CPA4: variants seen among roughly 807,000 people sequenced by gnomAD.
The protein encoded by CPA4 is carboxypeptidase A3.
In CPA4, 49 loss-of-function variants were observed where a neutral mutation model predicts 54.7. The observed-to-expected ratio is 0.90, with a 90% CI of 0.71 to 1.14. CPA4 has a LOEUF of 1.14. Ranked by LOEUF, CPA4 falls within the 50% of genes most tolerant of loss-of-function variation. The pLI, the probability that CPA4 is intolerant of heterozygous loss-of-function variation, is 0.00. For missense variants in CPA4, 487 were observed against 525.1 expected (o/e 0.93, Z 0.71); for synonymous variants, 215 against 206.8 (o/e 1.04, Z -0.34).
Position 130,324,171 on chromosome 7 carries a change from G to A in CPA4, c.*1495G>A, listed in dbSNP as rs114331464. 0.066 allele frequency: 10,078 copies of A among 152,662 alleles called. 363 individuals are homozygous for A. The highest frequency in any genetic ancestry group is 0.088 in the Middle Eastern group (26 of 294). The allele number at this position is 152,662 out of a possible 1,614,324, so 9.5% of individuals were successfully genotyped here. A position where few individuals can be genotyped will look rare whatever the true frequency, so the allele number is the denominator to read the frequency against. On this transcript the variant is annotated 3_prime_UTR_variant, in exon 11 of 11. Coordinates refer to ENST00000222482, the MANE Select transcript of CPA4 (RefSeq NM_016352.4). ...GCTTATAAGCCAATAAATATTCAAT[G>A]TGAGTTTCATGATCATCTCCTATTC...
In CPA4 at chr7:130,310,660, T is replaced by C; in HGVS notation, c.794-127T>C. On this transcript the variant is annotated intron_variant, in intron 8 of 10. Transcript: ENST00000222482. This position sits in a 1 kb window ranked among gnomAD's most constrained non-coding sequence, Gnocchi z 4.3. ...CAGTCCACACCCACCATGGACTAGG[T>C]GCTCTGGGCCGTCTCGCCATGGCCT... 1.3e-6 allele frequency: 1 copy of C among 767,038 alleles called. No homozygotes were observed. Among genetic ancestry groups the C allele is most frequent in the Non-Finnish European group, 2.2e-6 (1 of 459,632 alleles). 47.5% of individuals were successfully genotyped at this position (767,038 alleles called of 1,614,324 possible). A position where few individuals can be genotyped will look rare whatever the true frequency, so the allele number is the denominator to read the frequency against.
rs112302942 is a variant in CPA4, at chr7:130,302,016, C to T, written c.384+1102C>T. ...CTGGAGGGGCCATCCCCTCACCTGCCGACTGCTGGAGCCTCACTGTCTCAC... is the reference window on the plus strand; with the variant it reads ...CTGGAGGGGCCATCCCCTCACCTGCTGACTGCTGGAGCCTCACTGTCTCAC... On this transcript the variant is annotated intron_variant, in intron 4 of 10. Transcript: ENST00000222482. Among the ~76,000 whole-genome samples, 320 of 152,312 alleles carry T rather than the reference C, an allele frequency of 2.1e-3. 1 individual carries two copies. The highest frequency in any genetic ancestry group is 3.7e-3 in the Non-Finnish European group (251 of 68,016).
chr7:130,308,589 A>G (rs1038629), intron 8 of CPA4, among the ~76,000 whole-genome samples, 192 bp downstream of exon 8: 52,965 of 151,808 alleles, frequency 0.35, 9,317 homozygotes, highest in African/African-American at 0.4. Flanking sequence ...ATGGAATCTC[A>G]CTCTGTCACC....
rs761324290 is a variant in CPA4, at chr7:130,305,855, CTGAATGCAGGCAT to C, written c.527_539del (p.Leu176ProfsTer109). 1.2e-6 allele frequency: 2 copies of C among 1,614,188 alleles called. No homozygotes were observed. The highest frequency in any genetic ancestry group is 1.7e-6 in the Non-Finnish European group (2 of 1,180,028). On this transcript the variant is annotated frameshift_variant, in exon 6 of 11. Transcript: ENST00000222482. LOFTEE classifies it high-confidence loss of function. ...AGGCGTGAGGCGGCCGGCCGTTTGG[CTGAATGCAGGCAT>C]CCATTCCCGAGAGTGGATCTCCCAG...
At chr7:130,321,775 A>T (rs1584758047) in intron 10 of CPA4, among the ~76,000 whole-genome samples, 3 of 152,226 alleles carry the variant, frequency 2.0e-5, no homozygotes, top group Admixed American at 1.3e-4. Flanking sequence ...CCACGAGAAC[A>T]GTATGGGGGA....
Position 130,323,867 on chromosome 7 carries a change from G to A in CPA4, c.*1191G>A, listed in dbSNP as rs1363833415. The A allele has an allele frequency of 6.5e-6, 1 of 152,862 alleles. No homozygotes were observed. Among genetic ancestry groups the A allele is most frequent in the Non-Finnish European group, 1.4e-5 (1 of 69,228 alleles). 9.5% of individuals were successfully genotyped at this position (152,862 alleles called of 1,614,324 possible). On this transcript the variant is annotated 3_prime_UTR_variant, in exon 11 of 11. Transcript: ENST00000222482. ...CCTGGCACATTCCCATTTGTGCTGT[G>A]GTGTATCCTGTGTTTCCTTGTCCTG...
intron 4 of CPA4, among the ~76,000 whole-genome samples, chr7:130,302,506 A>G (rs1793754360): frequency 1.3e-5 from 2 of 149,716 alleles, no homozygotes; most frequent in South Asian, 4.2e-4. Flanking sequence ...AAAAAAAAAA[A>G]GAGCGCTCAT....
At chr7:130,295,356 C>A (rs1314218703) in intron 1 of CPA4, among the ~76,000 whole-genome samples, 1 of 152,154 alleles carries the variant, frequency 6.6e-6, no homozygotes, top group Non-Finnish European at 1.5e-5. Flanking sequence ...GCAATGGCAG[C>A]AGCTGGACGC....
rs1793896644 is a variant in CPA4 at position 130,310,680 on chromosome 7, T to A, written c.794-107T>A. The A allele has an allele frequency of 3.0e-6, 3 of 999,716 alleles. No homozygotes were observed. The highest frequency in any genetic ancestry group is 4.6e-6 in the Non-Finnish European group (3 of 652,226). 61.9% of individuals were successfully genotyped at this position (999,716 alleles called of 1,614,324 possible). On this transcript the variant is annotated intron_variant, in intron 8 of 10. Coordinates refer to ENST00000222482, the MANE Select transcript of CPA4 (RefSeq NM_016352.4). The surrounding 1 kb of genome is among the most constrained non-coding windows in gnomAD (Gnocchi z 4.3). ...CTAGGTGCTCTGGGCCGTCTCGCCA[T>A]GGCCTGCCCATTCCCAATACCTTCG... is the stretch of plus-strand genomic sequence containing the variant.
intron 9 of CPA4, 65 bp downstream of exon 9, chr7:130,311,051 G>A: frequency 7.6e-7 from 1 of 1,313,828 alleles, no homozygotes; most frequent in South Asian, 1.2e-5. Context: ...TGCTAAGGTG[G>A]TAGCTCTGCA....
At chr7:130,298,932 T>C in intron 2 of CPA4, 105 bp downstream of exon 2, 1 of 732,794 alleles carries the variant, frequency 1.4e-6, no homozygotes, top group Non-Finnish European at 2.4e-6. Flanking sequence ...TCTCTGAATA[T>C]AATCCTGTGG....
intron 10 of CPA4, among the ~76,000 whole-genome samples, chr7:130,317,946 C>T (rs1183705202): frequency 1.3e-5 from 2 of 152,274 alleles, no homozygotes; most frequent in East Asian, 3.9e-4. Flanking sequence ...TCCATCCACC[C>T]CCCGGGCCCT....
In CPA4 at chr7:130,298,784, A is replaced by C; in HGVS notation, c.107A>C (p.Glu36Ala). Residue 36 changes from glutamate to alanine, a missense_variant, in exon 2 of 11, where the codon GAG becomes GCG. Coordinates refer to ENST00000222482, the MANE Select transcript of CPA4 (RefSeq NM_016352.4). ...AGGATTAATGTCAGAAATGGAGACG[A>C]GATCAGCAAATTGAGTCAACTAGTG... ...VLRINVRNGDEISKLSQLVNS... is the reference protein window; with the variant it reads ...VLRINVRNGDAISKLSQLVNS... The C allele has an allele frequency of 6.8e-6, 11 of 1,612,698 alleles. No individual in the cohort carries two copies. The highest frequency in any genetic ancestry group is 9.3e-6 in the Non-Finnish European group (11 of 1,178,670).
At chr7:130,299,603 G>T in intron 3 of CPA4, 199 bp downstream of exon 3, 2 of 549,842 alleles carry the variant, frequency 3.6e-6, no homozygotes, top group Non-Finnish European at 6.5e-6. Context: ...ATAGGCCAGG[G>T]AACCACACAG....
At position 130,310,726 on chromosome 7, in the gene CPA4, T is replaced by C; in HGVS notation, c.794-61T>C. The C allele has an allele frequency of 6.6e-7, 1 of 1,506,850 alleles. No homozygotes were observed. Among genetic ancestry groups the C allele is most frequent in the Non-Finnish European group, 9.2e-7 (1 of 1,083,618 alleles). The allele number at this position is 1,506,850 out of a possible 1,614,324, so 93.3% of individuals were successfully genotyped here. A position where few individuals can be genotyped will look rare whatever the true frequency, so the allele number is the denominator to read the frequency against. On this transcript the variant is annotated intron_variant, in intron 8 of 10. Transcript: ENST00000222482. The surrounding 1 kb of genome is among the most constrained non-coding windows in gnomAD (Gnocchi z 4.3). ...CTTCGGCCCCTCTCTAGGTGGAGCG[T>C]CTTGCATTTCTGTGTTCTTGGACTA...
chr7:130,322,500 G>T lies in CPA4; in HGVS notation c.1090G>T (p.Gly364Trp). 6.2e-7 allele frequency: 1 copy of T among 1,613,620 alleles called. No individual in the cohort carries two copies. The highest frequency in any genetic ancestry group is 8.5e-7 in the Non-Finnish European group (1 of 1,179,688). Reference protein sequence around the residue: ...PTCTTVYPASGSSIDWAYDNG... With the variant: ...PTCTTVYPASWSSIDWAYDNG... ...CCTCCGACTTACAGATCCAGCTAGC[G>T]GGAGCAGCATCGACTGGGCATATGA... Residue 364 changes from glycine (G) to tryptophan (W), a missense_variant, in exon 11 of 11, where the codon GGG becomes TGG. Gly to Trp is a radical substitution (Grantham distance 184). Transcript: ENST00000222482.
intron 6 of CPA4, 148 bp downstream of exon 6, chr7:130,306,068 T>C: frequency 1.6e-6 from 1 of 644,720 alleles, no homozygotes; most frequent in Non-Finnish European, 2.7e-6. Flanking sequence ...GAGAAGCAAA[T>C]GGTCAAAACC....
chr7:130,296,375 A>G lies in CPA4; in HGVS notation c.69-2371A>G, dbSNP rs896644909. ...AGGATGAAATGGGTTTGTGGATTTA[A>G]TCATCCTCAGGGCCAGTCAGAGACA... On this transcript the variant is annotated intron_variant, in intron 1 of 10. Coordinates refer to ENST00000222482, the MANE Select transcript of CPA4 (RefSeq NM_016352.4). Among the ~76,000 whole-genome samples the G allele has an allele frequency of 3.9e-5, 6 of 152,176 alleles. No homozygotes were observed. The South Asian group carries it at 6.2e-4, about 16-fold the overall frequency.
chr7:130,310,917 C>T lies in CPA4; in HGVS notation c.924C>T (p.His308=). 6.2e-7 allele frequency: 1 copy of T among 1,614,152 alleles called. No homozygotes were observed. Among genetic ancestry groups the T allele is most frequent in the Non-Finnish European group, 8.5e-7 (1 of 1,179,992 alleles). ...ATTTCAAGGGCTTCATCGACCTGCA[C>T]AGCTACTCGCAGCTGCTGATGTATC... is the stretch of plus-strand genomic sequence containing the variant. ...HGNFKGFIDL[H]SYSQLLMYPY... is the part of the protein sequence containing the mutation. Residue 308 remains histidine (H), a synonymous_variant, in exon 9 of 11, where the codon CAC becomes CAT. Transcript: ENST00000222482. The surrounding 1 kb of genome is among the most constrained non-coding windows in gnomAD (Gnocchi z 4.3).
Sources: gnomAD v4.1 joint callset for allele counts (sites outside exome capture counted in the v4.1 genomes callset) on GRCh38, gnomAD v4.1.1 for gene constraint, Gnocchi (gnomAD v3.1) non-coding constraint, MANE v1.5 for transcripts, NCBI Gene and HGNC (gene_info 2026-07-23, HGNC 2026-07-21) for gene names.